Variants in CCSER2 observed in about 807,000 individuals in gnomAD.
The protein encoded by CCSER2 is serine-rich coiled-coil domain-containing protein 2.
In CCSER2, 46 loss-of-function variants were observed where a neutral mutation model predicts 92.3. That is an observed-to-expected ratio of 0.50 (90% CI 0.39 to 0.64). The LOEUF (loss-of-function observed/expected upper bound fraction) is 0.64. Ranked by LOEUF, CCSER2 falls within the 30% of genes least tolerant of loss-of-function variation. The probability of loss-of-function intolerance (pLI) is 0.00; values close to 1 mark genes in which losing one functional copy is unlikely to be tolerated. For synonymous variants in CCSER2, 433 were observed against 431.4 expected, an observed-to-expected ratio of 1.00 and a Z score of -0.04; for missense variants, 1,244 against 1,238.9, an observed-to-expected ratio of 1.00 and a Z score of -0.06.
At chr10:84,336,165 A>G (rs1843826091) in intron 1 of CCSER2, among the ~76,000 whole-genome samples, 1 of 152,180 alleles carries the variant, frequency 6.6e-6, no homozygotes, top group Non-Finnish European at 1.5e-5. Context: ...ATGTTTTTCC[A>G]GGACTTGAGA....
chr10:84,415,139 A>C (rs1478560484), intron 3 of CCSER2, among the ~76,000 whole-genome samples: 2 of 152,118 alleles, frequency 1.3e-5, no homozygotes, highest in East Asian at 3.9e-4. Context: ...TCTGAAGCCT[A>C]CTGTGTCAGT....
chr10:84,354,425 T>G (rs1343189189), intron 1 of CCSER2, among the ~76,000 whole-genome samples: 2 of 152,080 alleles, frequency 1.3e-5, no homozygotes, highest in Admixed American at 6.6e-5. Context: ...TTCTTTTTGG[T>G]TCTTAGTTTA....
chr10:84,416,943 T>C (rs886487218), intron 3 of CCSER2, among the ~76,000 whole-genome samples: 1 of 152,172 alleles, frequency 6.6e-6, no homozygotes, highest in Non-Finnish European at 1.5e-5. Flanking sequence ...AAAAAAGAGT[T>C]TTTTATGACC....
At chr10:84,452,854 T>A (rs1171508395) in intron 6 of CCSER2, among the ~76,000 whole-genome samples, 3 of 152,070 alleles carry the variant, frequency 2.0e-5, no homozygotes, top group Non-Finnish European at 4.4e-5. Context: ...ACCAAATGTT[T>A]CCTAATTTTG....
chr10:84,336,518 G>A (rs957948062), intron 1 of CCSER2, among the ~76,000 whole-genome samples: 2 of 152,304 alleles, frequency 1.3e-5, no homozygotes, highest in East Asian at 3.9e-4. Context: ...TGTGATCTAT[G>A]CAGATATTAG....
At chr10:84,402,364 T>C (rs1000588040) in intron 3 of CCSER2, among the ~76,000 whole-genome samples, 2 of 152,244 alleles carry the variant, frequency 1.3e-5, no homozygotes, top group Non-Finnish European at 2.9e-5. Context: ...AGTCTTAATA[T>C]AATGTCAGCA....
chr10:84,377,835 A>G (rs1490296017), intron 3 of CCSER2, among the ~76,000 whole-genome samples: 1 of 152,178 alleles, frequency 6.6e-6, no homozygotes, highest in Admixed American at 6.5e-5. Context: ...TTTGATTTTG[A>G]CACTGTAAGT....
intron 6 of CCSER2, among the ~76,000 whole-genome samples, chr10:84,453,622 C>G (rs2133597768): frequency 6.6e-6 from 1 of 152,286 alleles, no homozygotes; most frequent in South Asian, 2.1e-4. Context: ...CTATTTATAT[C>G]TTGCTTATCC....
At chr10:84,466,776 G>A (rs1458897270) in intron 7 of CCSER2, among the ~76,000 whole-genome samples, 1 of 151,858 alleles carries the variant, frequency 6.6e-6, no homozygotes, top group African/African-American at 2.4e-5. Context: ...GCCTCCCAAA[G>A]TGCTGGGATT....
chr10:84,391,860 C>A (rs1181682389), intron 3 of CCSER2: 1 of 1,474,142 alleles, frequency 6.8e-7, no homozygotes, highest in Non-Finnish European at 9.5e-7. Context: ...GTAGTGTAAT[C>A]CAAGATTTTA....
In CCSER2 at chr10:84,425,859, C is replaced by T. The variant is rs766955590; in HGVS notation, c.1834C>T (p.His612Tyr). The T allele has an allele frequency of 2.5e-6, 4 of 1,610,694 alleles. No homozygotes were observed. The East Asian group carries it at 6.7e-5, about 27-fold the overall frequency. Residue 612 changes from histidine to tyrosine, a missense_variant, in exon 5 of 10, where the codon CAC becomes TAC. Coordinates refer to ENST00000372088, the MANE Select transcript of CCSER2 (RefSeq NM_001284240.2). ...GCATTACCACCTCAGCCACCCTGACCACTATCATCACCATGGAAAAAGTGA... is the reference window on the plus strand; with the variant it reads ...GCATTACCACCTCAGCCACCCTGACTACTATCATCACCATGGAAAAAGTGA... ...QEHYHLSHPD[H>Y]YHHHGKSDLS...
chr10:84,440,991 C>T (rs1008402421), intron 6 of CCSER2, among the ~76,000 whole-genome samples: 1 of 152,182 alleles, frequency 6.6e-6, no homozygotes, highest in Non-Finnish European at 1.5e-5. Flanking sequence ...TGCAGTTTCA[C>T]AGTAATGTCC....
rs1845755432 is a variant in CCSER2 at position 84,457,318 on chromosome 10, ATAT to A, written c.2065-6611_2065-6609del. On this transcript the variant is annotated intron_variant, in intron 6 of 9. Transcript: ENST00000372088. ...TTATATATAATATGTTATATATAAT[ATAT>A]TATATATAATATATTATATATTATA... Among the ~76,000 whole-genome samples, 8 of 71,900 alleles carry A rather than the reference ATAT, an allele frequency of 1.1e-4. 1 individual carries two copies. Among genetic ancestry groups the A allele is most frequent in the South Asian group, 3.6e-4 (1 of 2,792 alleles). 47.2% of individuals were successfully genotyped at this position (71,900 alleles called of 152,430 possible).
intron 9 of CCSER2, among the ~76,000 whole-genome samples, chr10:84,487,526 C>T (rs1450313425): frequency 6.6e-6 from 1 of 152,142 alleles, no homozygotes; most frequent in African/African-American, 2.4e-5. Context: ...GGAGTTCTGT[C>T]ATGATTTGGC....
chr10:84,387,749 C>T lies in CCSER2; in HGVS notation c.1614+13934C>T, dbSNP rs574158710. ...TTCACCGTGTTAGCCAGGATGGTCT[C>T]GATCTCCTGACTTCGTGATCCGCCC... On this transcript the variant is annotated intron_variant, in intron 3 of 9. Coordinates refer to ENST00000372088, the MANE Select transcript of CCSER2 (RefSeq NM_001284240.2). 1.5e-4 allele frequency among the ~76,000 whole-genome samples: 23 copies of T among 152,202 alleles called. No individual in the cohort carries two copies. In the South Asian group the frequency reaches 2.5e-3, roughly 16 times the overall value.
At chr10:84,462,537 G>A (rs1846162909) in intron 6 of CCSER2, among the ~76,000 whole-genome samples, 1 of 152,126 alleles carries the variant, frequency 6.6e-6, no homozygotes, top group Non-Finnish European at 1.5e-5. Context: ...GATGAGTCCT[G>A]TAAAACTCAC....
At chr10:84,347,446 G>C (rs1302295824) in intron 1 of CCSER2, among the ~76,000 whole-genome samples, 1 of 150,258 alleles carries the variant, frequency 6.7e-6, no homozygotes, top group Non-Finnish European at 1.5e-5. Flanking sequence ...GGGTCGGCTG[G>C]CCGGGCGGGG....
intron 9 of CCSER2, among the ~76,000 whole-genome samples, chr10:84,487,379 T>C (rs1847871875): frequency 6.6e-6 from 1 of 152,244 alleles, no homozygotes; most frequent in South Asian, 2.1e-4. Flanking sequence ...CCCATGAGCG[T>C]GGAACGTTCT....
chr10:84,480,164 C>G (rs1847377269), intron 9 of CCSER2, among the ~76,000 whole-genome samples: 1 of 152,094 alleles, frequency 6.6e-6, no homozygotes, highest in South Asian at 2.1e-4. Context: ...CCTGCCTCAG[C>G]CTCCCAAGTA....
Sources: allele counts gnomAD v4.1 joint callset (sites outside exome capture counted in the v4.1 genomes callset), GRCh38; gene constraint gnomAD v4.1.1; transcripts MANE v1.5; gene names NCBI Gene and HGNC (gene_info 2026-07-23, HGNC 2026-07-21).